The following GPR139 variants were observed in gnomAD, a reference collection of about 807,000 sequenced individuals.
The protein encoded by GPR139 is G protein-coupled receptor 139.
In GPR139, 12 loss-of-function variants were observed where a neutral mutation model predicts 25.8. The ratio of observed to expected loss-of-function variants is 0.47; its 90% CI spans 0.30 to 0.75. The LOEUF is 0.75. Among genes scored for constraint, GPR139 ranks in the 30% least tolerant of loss-of-function variants. The pLI, the probability that GPR139 is intolerant of heterozygous loss-of-function variation, is 0.07. For missense variants in GPR139, 380 were observed against 450.2 expected (o/e 0.84, Z 1.41); for synonymous variants, 184 against 179.9 (o/e 1.02, Z -0.18).
At chr16:20,045,090 C>G (rs1292898186) in intron 1 of GPR139, among the ~76,000 whole-genome samples, 1 of 151,520 alleles carries the variant, frequency 6.6e-6, no homozygotes. Context: ...ACCTCTGCCT[C>G]CCAGGGTCAA....
intron 1 of GPR139, among the ~76,000 whole-genome samples, 191 bp from the exon 2 acceptor site, chr16:20,032,860 G>A (rs1041893731): frequency 1.3e-5 from 2 of 152,224 alleles, no homozygotes; most frequent in African/African-American, 4.8e-5. Flanking sequence ...TTAAAGTTAT[G>A]CTTATATTCT....
chr16:20,050,937 C>T (rs1353569124), intron 1 of GPR139, among the ~76,000 whole-genome samples: 2 of 151,820 alleles, frequency 1.3e-5, no homozygotes, highest in Non-Finnish European at 2.9e-5. Flanking sequence ...GTGTCAAGTG[C>T]CTGCTGTCCC....
In GPR139 at chr16:20,070,930, G is replaced by T. The variant is rs578143801; in HGVS notation, c.127+2560C>A. 22 of 985,268 alleles carry T rather than the reference G, an allele frequency of 2.2e-5. No individual in the cohort carries two copies. In the African/African-American group the frequency reaches 3.7e-4, roughly 16 times the overall value. 61.0% of individuals were successfully genotyped at this position (985,268 alleles called of 1,614,324 possible). A position where few individuals can be genotyped will look rare whatever the true frequency, so the allele number is the denominator to read the frequency against. On this transcript the variant is annotated intron_variant, in intron 1 of 1. Coordinates refer to ENST00000570682, the MANE Select transcript of GPR139 (RefSeq NM_001002911.4). ...CGCAGAGTTACATGCTGACCTGAAT[G>T]CTTTCTTCTGTGTATCTCAGTCCCT...
chr16:20,041,120 GGAA>G (rs2057328837), intron 1 of GPR139, among the ~76,000 whole-genome samples: 2 of 3,984 alleles, frequency 5.0e-4, no homozygotes, highest in South Asian at 5.0e-3. Context: ...AGAAAGGAAA[GGAA>G]AGGAAAGGAG....
chr16:20,054,270 TA>T (rs1343065166), intron 1 of GPR139, among the ~76,000 whole-genome samples: 1 of 152,200 alleles, frequency 6.6e-6, no homozygotes, highest in Non-Finnish European at 1.5e-5. Flanking sequence ...CTTATTCTAG[TA>T]AAATACTATT....
rs141079181 is a variant in GPR139 at position 20,031,729 on chromosome 16, A to G, written c.*6T>C. ...GACAGAGGCAGTAGTTGCCACACCT[A>G]TGGAATCACGGGGATACTTTTATAG... On this transcript the variant is annotated 3_prime_UTR_variant, in exon 2 of 2. Transcript: ENST00000570682. The G allele has an allele frequency of 1.6e-5, 25 of 1,610,218 alleles. No individual in the cohort carries two copies. Among genetic ancestry groups the G allele is most frequent in the Admixed American group, 1.2e-4 (7 of 59,978 alleles).
intron 1 of GPR139, among the ~76,000 whole-genome samples, chr16:20,047,352 T>C (rs1247256531): frequency 1.3e-5 from 2 of 152,164 alleles, no homozygotes; most frequent in African/African-American, 2.4e-5. Context: ...CTGGGAGGCC[T>C]GACCTGGCCT....
intron 1 of GPR139, among the ~76,000 whole-genome samples, chr16:20,041,135 G>A (rs1356457496): frequency 0.095 from 45 of 472 alleles, 3 homozygotes; most frequent in African/African-American, 0.41. Flanking sequence ...GGAAAGGAGA[G>A]GAGAGGAGAG....
chr16:20,043,438 T>A (rs2057343427), intron 1 of GPR139, among the ~76,000 whole-genome samples: 1 of 150,326 alleles, frequency 6.7e-6, no homozygotes. Context: ...ATGAGATGAT[T>A]TTACATGATT....
intron 1 of GPR139, among the ~76,000 whole-genome samples, chr16:20,044,450 T>C (rs1422930552): frequency 2.6e-5 from 4 of 152,132 alleles, no homozygotes; most frequent in Admixed American, 2.6e-4. Flanking sequence ...GAGTTCATAA[T>C]AGGCAATAAT....
Position 20,041,112 on chromosome 16 carries a change from A to G in GPR139, c.128-8443T>C, listed in dbSNP as rs1011329620. On this transcript the variant is annotated intron_variant, in intron 1 of 1. Coordinates refer to ENST00000570682, the MANE Select transcript of GPR139 (RefSeq NM_001002911.4). ...GCGACAGAGTGAGACTCTGACCCAG[A>G]AAGGAAAGGAAAGGAAAGGAGAGGA... 1.1e-3 allele frequency among the ~76,000 whole-genome samples: 4 copies of G among 3,518 alleles called. 1 individual carries two copies. The highest frequency in any genetic ancestry group is 2.0e-3 in the Non-Finnish European group (4 of 2,022). The allele number at this position is 3,518 out of a possible 152,430, so 2.3% of individuals were successfully genotyped here.
chr16:20,043,688 G>A (rs557390104), intron 1 of GPR139, among the ~76,000 whole-genome samples: 27 of 152,298 alleles, frequency 1.8e-4, no homozygotes, highest in African/African-American at 6.3e-4. Flanking sequence ...GGCACAGCTG[G>A]TAAGATGAAG....
chr16:20,045,647 G>A (rs2057351803), intron 1 of GPR139, among the ~76,000 whole-genome samples: 1 of 152,194 alleles, frequency 6.6e-6, no homozygotes, highest in South Asian at 2.1e-4. Context: ...TTTCAGAGCA[G>A]TCATATGGCC....
intron 1 of GPR139, among the ~76,000 whole-genome samples, chr16:20,046,929 A>C (rs1299599170): frequency 1.3e-5 from 2 of 152,074 alleles, no homozygotes; most frequent in African/African-American, 4.8e-5. Context: ...AAATCTGCTG[A>C]GTGTGGTGGT....
At chr16:20,043,073 G>C (rs1020606782) in intron 1 of GPR139, among the ~76,000 whole-genome samples, 5 of 152,212 alleles carry the variant, frequency 3.3e-5, no homozygotes, top group African/African-American at 1.2e-4. Context: ...AGTTGAGACC[G>C]AGCAAGTCTC....
chr16:20,050,773 T>G (rs1298072277), intron 1 of GPR139, among the ~76,000 whole-genome samples: 1 of 152,138 alleles, frequency 6.6e-6, no homozygotes. Context: ...ACAAGAAACT[T>G]ATTATTTGCC....
At chr16:20,070,481 A>G (rs1457158108) in intron 1 of GPR139, among the ~76,000 whole-genome samples, 2 of 152,186 alleles carry the variant, frequency 1.3e-5, no homozygotes, top group Non-Finnish European at 2.9e-5. Context: ...AGCTGTACCC[A>G]TATTTCACAT....
intron 1 of GPR139, among the ~76,000 whole-genome samples, chr16:20,035,178 CTTG>C (rs901155348): frequency 1.1e-4 from 16 of 149,460 alleles, no homozygotes; most frequent in African/African-American, 3.6e-4. Context: ...CTATACTGTT[CTTG>C]TTCTTGTCCA....
At chr16:20,068,473 C>T (rs140156109) in intron 1 of GPR139, among the ~76,000 whole-genome samples, 18 of 152,226 alleles carry the variant, frequency 1.2e-4, no homozygotes, top group South Asian at 4.1e-4. Flanking sequence ...CTTGCAAACA[C>T]GCTGAACTCA....
Sources: allele counts gnomAD v4.1 joint callset (sites outside exome capture counted in the v4.1 genomes callset), GRCh38; gene constraint gnomAD v4.1.1; transcripts MANE v1.5; gene names NCBI Gene and HGNC (gene_info 2026-07-23, HGNC 2026-07-21).